Variants in TMEM132D observed in about 807,000 individuals in gnomAD.
The protein encoded by TMEM132D is transmembrane protein 132D.
In TMEM132D, 21 loss-of-function variants were observed where a neutral mutation model predicts 62.3. That is an observed-to-expected ratio of 0.34 (90% CI 0.24 to 0.49). The LOEUF is 0.49. Ranked by LOEUF, TMEM132D falls within the 20% of genes least tolerant of loss-of-function variation. The probability of loss-of-function intolerance (pLI) is 0.99; values close to 1 mark genes in which losing one functional copy is unlikely to be tolerated. For synonymous variants in TMEM132D, 621 were observed against 575.6 expected (o/e 1.08, Z -1.13); for missense variants, 1,346 against 1,402.8 (o/e 0.96, Z 0.65).
intron 3 of TMEM132D, among the ~76,000 whole-genome samples, chr12:129,360,018 T>C (rs1181674510): frequency 6.6e-6 from 1 of 151,848 alleles, no homozygotes; most frequent in African/African-American, 2.4e-5. Context: ...AAAAACCCCA[T>C]TTTTTTCAGA....
intron 2 of TMEM132D, among the ~76,000 whole-genome samples, chr12:129,543,285 A>AGTGG (rs1239051230): frequency 4.2e-4 from 5 of 12,028 alleles, no homozygotes; most frequent in South Asian, 3.2e-3. Flanking sequence ...GGGGTGAGTA[A>AGTGG]GTGGGTGGGT....
At chr12:129,873,405 G>A (rs1354768470) in intron 1 of TMEM132D, among the ~76,000 whole-genome samples, 2 of 152,158 alleles carry the variant, frequency 1.3e-5, no homozygotes, top group Non-Finnish European at 2.9e-5. Flanking sequence ...GGGCAGAAAT[G>A]AAGACAATTA....
intron 3 of TMEM132D, among the ~76,000 whole-genome samples, chr12:129,530,637 A>T (rs1277484794): frequency 1.3e-5 from 2 of 152,242 alleles, no homozygotes; most frequent in African/African-American, 2.4e-5. Flanking sequence ...TTGTATTTAA[A>T]TATACACTGC....
At chr12:129,328,001 C>T (rs1040012366) in intron 4 of TMEM132D, among the ~76,000 whole-genome samples, 3 of 152,186 alleles carry the variant, frequency 2.0e-5, no homozygotes, top group Admixed American at 2.0e-4. Flanking sequence ...CTCGAAAGCA[C>T]TCAGGGCTGG....
rs1455588212 is a variant in TMEM132D, at chr12:129,755,772, T to C, written c.80-55074A>G. Among the ~76,000 whole-genome samples, 5 of 152,190 alleles carry C rather than the reference T, an allele frequency of 3.3e-5. No individual in the cohort carries two copies. In the East Asian group the frequency reaches 9.6e-4, roughly 29 times the overall value. On this transcript the variant is annotated intron_variant, in intron 1 of 8. Coordinates refer to ENST00000422113, the MANE Select transcript of TMEM132D (RefSeq NM_133448.3). ...AGAAGGTAAAGCAGATGAGGAAATC[T>C]CTCTCCACCTCCACCCATTCCTGTC...
chr12:129,134,075 GTGTGTGTGTTGTA>G (rs1342057503), intron 5 of TMEM132D, among the ~76,000 whole-genome samples: 1 of 143,818 alleles, frequency 7.0e-6, no homozygotes, highest in East Asian at 2.4e-4. Context: ...ATTGTGTTGT[GTGTGTGTGTTGTA>G]TGTGTGTGTG....
chr12:129,580,031 A>G lies in TMEM132D; in HGVS notation c.969-48826T>C, dbSNP rs2137125740. 2.0e-5 allele frequency among the ~76,000 whole-genome samples: 3 copies of G among 152,304 alleles called. No individual in the cohort carries two copies. The South Asian group carries it at 6.2e-4, about 32-fold the overall frequency. ...AGACGCATCATCACATTGACCATCC[A>G]AAGAGGTAAGTGGCTACTTGGCCCA... On this transcript the variant is annotated intron_variant, in intron 2 of 8. Transcript: ENST00000422113.
chr12:129,586,765 G>A (rs1283955034), intron 2 of TMEM132D, among the ~76,000 whole-genome samples: 1 of 152,116 alleles, frequency 6.6e-6, no homozygotes, highest in Non-Finnish European at 1.5e-5. Context: ...GATCTTCAAG[G>A]CTTATTTGTT....
chr12:129,217,054 T>C (rs990538500), intron 4 of TMEM132D, among the ~76,000 whole-genome samples: 3 of 152,324 alleles, frequency 2.0e-5, no homozygotes, highest in Non-Finnish European at 2.9e-5. Flanking sequence ...TCTTTAGAGA[T>C]CACTTGCCAT....
chr12:129,315,194 G>A (rs770084669), intron 4 of TMEM132D, among the ~76,000 whole-genome samples: 4 of 152,148 alleles, frequency 2.6e-5, no homozygotes, highest in Admixed American at 1.3e-4. Flanking sequence ...AAGAGGAGTG[G>A]TGAGAGTGGG....
At chr12:129,308,855 G>T (rs957250156) in intron 4 of TMEM132D, among the ~76,000 whole-genome samples, 3 of 152,222 alleles carry the variant, frequency 2.0e-5, no homozygotes, top group African/African-American at 4.8e-5. Flanking sequence ...CTGCCTGGAA[G>T]AGGTAAATAG....
chr12:129,584,548 A>G (rs1203712779), intron 2 of TMEM132D, among the ~76,000 whole-genome samples: 2 of 152,290 alleles, frequency 1.3e-5, no homozygotes, highest in Middle Eastern at 3.4e-3. Context: ...CGTGGCAAGC[A>G]TGAAGCAAGC....
At chr12:129,556,903 T>TATTC (rs1293556116) in intron 2 of TMEM132D, among the ~76,000 whole-genome samples, 2 of 152,158 alleles carry the variant, frequency 1.3e-5, no homozygotes, top group African/African-American at 4.8e-5. Context: ...TGACAAAACT[T>TATTC]TGTATCCCCA....
intron 2 of TMEM132D, among the ~76,000 whole-genome samples, chr12:129,665,198 G>T (rs79960449): frequency 0.014 from 2,140 of 150,966 alleles, 33 homozygotes; most frequent in Admixed American, 0.046. Context: ...GGGAGCAGGT[G>T]GGGGGGGCAT....
At chr12:129,741,676 T>C (rs2137259815) in intron 1 of TMEM132D, among the ~76,000 whole-genome samples, 1 of 152,294 alleles carries the variant, frequency 6.6e-6, no homozygotes, top group Middle Eastern at 3.4e-3. Flanking sequence ...CAGACCACTG[T>C]GGCAATTAGG....
In TMEM132D at chr12:129,206,746, T is replaced by C. The variant is rs549292090; in HGVS notation, c.1443+2774A>G. On this transcript the variant is annotated intron_variant, in intron 5 of 8. Coordinates refer to ENST00000422113, the MANE Select transcript of TMEM132D (RefSeq NM_133448.3). The stretch of plus-strand genomic sequence containing the variant: ...GACTGGATAAAGAAAATGTGGTACA[T>C]ATACACCATGGAATACTATGCAGCC... Among the ~76,000 whole-genome samples, 35 of 152,296 alleles carry C rather than the reference T, an allele frequency of 2.3e-4. No individual in the cohort carries two copies. The South Asian group carries it at 7.1e-3, about 31-fold the overall frequency.
chr12:129,185,568 T>TA (rs1878196436), intron 5 of TMEM132D, among the ~76,000 whole-genome samples: 1 of 151,792 alleles, frequency 6.6e-6, no homozygotes, highest in Admixed American at 6.6e-5. Context: ...TTATTATTTT[T>TA]ATTATATTAT....
chr12:129,123,619 G>A (rs1876126927), intron 5 of TMEM132D, among the ~76,000 whole-genome samples: 1 of 152,134 alleles, frequency 6.6e-6, no homozygotes, highest in Non-Finnish European at 1.5e-5. Context: ...CTGGGTTAAG[G>A]GATGCCAGAT....
intron 1 of TMEM132D, among the ~76,000 whole-genome samples, chr12:129,739,251 C>T (rs1485698925): frequency 1.3e-5 from 2 of 152,156 alleles, no homozygotes; most frequent in African/African-American, 2.4e-5. Flanking sequence ...GAACAAGAAT[C>T]GCTTCAACAC....
Sources: allele counts gnomAD v4.1 joint callset (sites outside exome capture counted in the v4.1 genomes callset), GRCh38; gene constraint gnomAD v4.1.1; transcripts MANE v1.5; gene names NCBI Gene and HGNC (gene_info 2026-07-23, HGNC 2026-07-21).